The following MARK1 variants were observed in gnomAD, a reference collection of about 807,000 sequenced individuals.
MARK1 encodes the protein serine/threonine-protein kinase MARK1.
MARK1 carries 40 observed loss-of-function variants against 96.3 expected under a neutral mutation model. The observed-to-expected ratio is 0.42, with a 90% CI of 0.32 to 0.54. The LOEUF is 0.54. Ranked by LOEUF, MARK1 falls within the 20% of genes least tolerant of loss-of-function variation. MARK1 has a pLI of 0.16. For synonymous variants in MARK1, 317 were observed against 341.2 expected (o/e 0.93, Z 0.78); for missense variants, 719 against 984.6 (o/e 0.73, Z 3.61).
At position 220,654,458 on chromosome 1, in the gene MARK1, A is replaced by G. The variant is rs937944091; in HGVS notation, c.1988+1106A>G. 6.6e-6 allele frequency among the ~76,000 whole-genome samples: 1 copy of G among 152,248 alleles called. No homozygotes were observed. The highest frequency in any genetic ancestry group is 6.5e-5 in the Admixed American group (1 of 15,288). On this transcript the variant is annotated intron_variant, in intron 16 of 17. Coordinates refer to ENST00000366917, the MANE Select transcript of MARK1 (RefSeq NM_018650.5). This position sits in a 1 kb window ranked among gnomAD's most constrained non-coding sequence, Gnocchi z 4.0. The stretch of plus-strand genomic sequence containing the variant: ...TGGTTCATACATCAGTTTGCCCAGT[A>G]TCACATAGCTGAATTAAAAACTTTA...
Position 220,550,502 on chromosome 1 carries a change from G to A in MARK1, c.51+21629G>A, listed in dbSNP as rs546727839. ...CAAGTAGCTGGGACTACAGGCGTGC[G>A]CCACCACACCCCGCTAATTTTTGTA... On this transcript the variant is annotated intron_variant, in intron 1 of 17. Transcript: ENST00000366917. 4.6e-5 allele frequency among the ~76,000 whole-genome samples: 7 copies of A among 152,172 alleles called. No homozygotes were observed. The East Asian group carries it at 1.2e-3, about 25-fold the overall frequency.
intron 3 of MARK1, among the ~76,000 whole-genome samples, chr1:220,594,277 C>T (rs1310390846): frequency 6.6e-6 from 1 of 152,156 alleles, no homozygotes; most frequent in African/African-American, 2.4e-5. Flanking sequence ...TGAAAAGATA[C>T]TCCACATCAT....
At chr1:220,597,107 T>G (rs55680320) in intron 3 of MARK1, among the ~76,000 whole-genome samples, 2,357 of 152,262 alleles carry the variant, frequency 0.015, 52 homozygotes, top group African/African-American at 0.054. Flanking sequence ...CACATTTTGT[T>G]TATCTCTTCA....
At chr1:220,647,111 A>G (rs1305627084) in intron 13 of MARK1, among the ~76,000 whole-genome samples, 1 of 152,206 alleles carries the variant, frequency 6.6e-6, no homozygotes, top group Non-Finnish European at 1.5e-5. Context: ...ATCAGAGTGA[A>G]CAGACAGTCT....
At chr1:220,580,380 A>G (rs185119848) in intron 2 of MARK1, among the ~76,000 whole-genome samples, 64 of 152,056 alleles carry the variant, frequency 4.2e-4, no homozygotes, top group Admixed American at 2.5e-3. Flanking sequence ...TGGGAGCTTG[A>G]GGTGAGGATT....
chr1:220,598,934 G>A (rs1665561850), intron 4 of MARK1, among the ~76,000 whole-genome samples: 2 of 151,714 alleles, frequency 1.3e-5, no homozygotes, highest in African/African-American at 2.4e-5. Flanking sequence ...AGCCAAGATC[G>A]CACCACTGCA....
intron 13 of MARK1, among the ~76,000 whole-genome samples, chr1:220,647,617 A>G (rs1197265674): frequency 6.6e-6 from 1 of 152,228 alleles, no homozygotes; most frequent in East Asian, 1.9e-4. Context: ...AGCACTATTA[A>G]CAATAGCAAA....
chr1:220,630,399 G>C (rs1272008869), intron 9 of MARK1, among the ~76,000 whole-genome samples: 1 of 151,766 alleles, frequency 6.6e-6, no homozygotes, highest in Non-Finnish European at 1.5e-5. Context: ...TCTCTAGTTG[G>C]CCCCCACAAG....
intron 9 of MARK1, 70 bp from the exon 10 acceptor site, chr1:220,630,965 C>T: frequency 9.2e-7 from 1 of 1,083,284 alleles, no homozygotes; most frequent in Non-Finnish European, 1.4e-6. Context: ...TTTACATTTG[C>T]TAAAATAGAG....
Position 220,633,584 on chromosome 1 carries a change from A to G in MARK1, c.1122+1271A>G, listed in dbSNP as rs1216763998. Among the ~76,000 whole-genome samples the G allele has an allele frequency of 2.0e-5, 3 of 152,130 alleles. No individual in the cohort carries two copies. In the East Asian group the frequency reaches 5.8e-4, roughly 29 times the overall value. On this transcript the variant is annotated intron_variant, in intron 11 of 17. Coordinates refer to ENST00000366917, the MANE Select transcript of MARK1 (RefSeq NM_018650.5). ...TGAGCAGTTAATAGTATGGTACAGT[A>G]TGTGTTCTGATTTGGGGGATGCACA...
chr1:220,547,656 C>T (rs1226913024), intron 1 of MARK1, among the ~76,000 whole-genome samples: 1 of 152,146 alleles, frequency 6.6e-6, no homozygotes, highest in African/African-American at 2.4e-5. Flanking sequence ...GCTCCACCTC[C>T]TGGGTTCACA....
At position 220,635,462 on chromosome 1, in the gene MARK1, C is replaced by A; in HGVS notation, c.1209C>A (p.Ser403=). The A allele has an allele frequency of 6.2e-7, 1 of 1,613,590 alleles. No homozygotes were observed. The highest frequency in any genetic ancestry group is 1.1e-5 in the South Asian group (1 of 91,030). Residue 403 remains serine (S), a synonymous_variant, in exon 12 of 18, where the codon TCC becomes TCA. Transcript: ENST00000366917. ...SSDLNNSTLQ[S]PAHLKVQRSI... The stretch of plus-strand genomic sequence containing the variant: ...ACTTAAACAACAGCACTCTTCAGTC[C>A]CCTGCTCACCTGAAGGTCCAGAGAA...
intron 1 of MARK1, among the ~76,000 whole-genome samples, chr1:220,535,936 G>A (rs1165569328): frequency 6.6e-6 from 1 of 152,156 alleles, no homozygotes; most frequent in African/African-American, 2.4e-5. Flanking sequence ...TTTGAAGCCA[G>A]TAAGTGTGAG....
chr1:220,643,739 T>C (rs545038250), intron 13 of MARK1, among the ~76,000 whole-genome samples: 117 of 152,294 alleles, frequency 7.7e-4, no homozygotes, highest in African/African-American at 2.8e-3. Context: ...GTGTAAACCC[T>C]GCAAGCCAAA....
At chr1:220,546,574 T>C (rs2102728934) in intron 1 of MARK1, among the ~76,000 whole-genome samples, 1 of 152,366 alleles carries the variant, frequency 6.6e-6, no homozygotes, top group East Asian at 1.9e-4. Context: ...TAGCTACTGC[T>C]CTGTTCTGGG....
intron 1 of MARK1, among the ~76,000 whole-genome samples, chr1:220,553,146 C>T (rs933600783): frequency 6.6e-6 from 1 of 152,162 alleles, no homozygotes; most frequent in Non-Finnish European, 1.5e-5. Flanking sequence ...TCACAGATTT[C>T]CTCCTTGTTA....
intron 1 of MARK1, among the ~76,000 whole-genome samples, chr1:220,578,213 G>A (rs1398447333): frequency 6.6e-6 from 1 of 152,174 alleles, no homozygotes; most frequent in East Asian, 1.9e-4. Flanking sequence ...AAGATGTTGT[G>A]TTTATTATGT....
rs367727695 is a variant in MARK1, at chr1:220,529,832, G to T, written c.51+959G>T. On this transcript the variant is annotated intron_variant, in intron 1 of 17. Transcript: ENST00000366917. ...GGAAGGTTTTCTTGTTTTTGTTTTTGTTTAAAACACTCAAGACCTGTAAAT... is the reference window on the plus strand; with the variant it reads ...GGAAGGTTTTCTTGTTTTTGTTTTTTTTTAAAACACTCAAGACCTGTAAAT... Among the ~76,000 whole-genome samples, 80 of 152,184 alleles carry T rather than the reference G, an allele frequency of 5.3e-4. No homozygotes were observed. The East Asian group carries it at 0.01, about 19-fold the overall frequency.
intron 1 of MARK1, among the ~76,000 whole-genome samples, chr1:220,533,990 C>T (rs1257393908): frequency 6.6e-6 from 1 of 152,014 alleles, no homozygotes. Context: ...GTATATAACC[C>T]TGTTAACCTA....
Sources: gnomAD v4.1 joint callset for allele counts (sites outside exome capture counted in the v4.1 genomes callset) on GRCh38, gnomAD v4.1.1 for gene constraint, Gnocchi (gnomAD v3.1) non-coding constraint, MANE v1.5 for transcripts, NCBI Gene and HGNC (gene_info 2026-07-23, HGNC 2026-07-21) for gene names.